CPXM2: variants seen among roughly 807,000 people sequenced by gnomAD.
CPXM2 encodes inactive carboxypeptidase-like protein X2.
In CPXM2, 66 loss-of-function variants were observed where a neutral mutation model predicts 86.1. That is an observed-to-expected ratio of 0.77 (90% CI 0.63 to 0.94). CPXM2 has a LOEUF of 0.94. Ranked by LOEUF, CPXM2 falls within the 40% of genes least tolerant of loss-of-function variation. The pLI is 0.00. For synonymous variants in CPXM2, 388 were observed against 400.2 expected (o/e 0.97, Z 0.36); for missense variants, 948 against 1,026.3 (o/e 0.92, Z 1.04).
At chr10:123,825,297 G>A (rs747568331) in intron 4 of CPXM2, among the ~76,000 whole-genome samples, 1 of 152,260 alleles carries the variant, frequency 6.6e-6, no homozygotes, top group South Asian at 2.1e-4. Flanking sequence ...GTCATCTTGG[G>A]TCATGCATGA....
upstream of CPXM2, chr10:123,891,871 C>T (rs1945282713): frequency 6.4e-6 from 1 of 155,160 alleles, no homozygotes; most frequent in South Asian, 2.0e-4. This position sits in a 1 kb window ranked among gnomAD's most constrained non-coding sequence, Gnocchi z 5.6. Flanking sequence ...AGGCGCGGGG[C>T]GGGCGCAGGG....
At chr10:123,753,265 T>A (rs1401646459) in intron 13 of CPXM2, among the ~76,000 whole-genome samples, 2 of 151,852 alleles carry the variant, frequency 1.3e-5, no homozygotes, top group Non-Finnish European at 2.9e-5. Context: ...AGGTGGGGAG[T>A]GGGACACAGC....
At chr10:123,814,543 C>A (rs1369211148) in intron 4 of CPXM2, among the ~76,000 whole-genome samples, 3 of 152,118 alleles carry the variant, frequency 2.0e-5, no homozygotes, top group Non-Finnish European at 4.4e-5. Flanking sequence ...CTAGAGAACC[C>A]TGACTAATAC....
intron 2 of CPXM2, chr10:123,914,061 C>T (rs1289711992): frequency 2.0e-6 from 1 of 489,912 alleles, no homozygotes; most frequent in Admixed American, 2.1e-5. Flanking sequence ...CATTTGGTGG[C>T]TTGACCTCTT....
At chr10:123,804,156 T>C (rs1847528307) in intron 4 of CPXM2, among the ~76,000 whole-genome samples, 1 of 152,230 alleles carries the variant, frequency 6.6e-6, no homozygotes, top group East Asian at 1.9e-4. Context: ...TCTATTGTTT[T>C]ATAATACATC....
chr10:123,756,120 A>G (rs1320705159), intron 12 of CPXM2, among the ~76,000 whole-genome samples: 1 of 152,190 alleles, frequency 6.6e-6, no homozygotes, highest in East Asian at 1.9e-4. Flanking sequence ...TGCCAGCCAA[A>G]GCCATGGGCT....
At chr10:123,867,934 G>A (rs1274770919) in intron 2 of CPXM2, among the ~76,000 whole-genome samples, 2 of 152,182 alleles carry the variant, frequency 1.3e-5, no homozygotes, top group African/African-American at 2.4e-5. Context: ...ATACTACAGT[G>A]GGGAGAAAAT....
intron 3 of CPXM2, among the ~76,000 whole-genome samples, chr10:123,854,316 G>A (rs1383009119): frequency 2.1e-5 from 3 of 141,496 alleles, no homozygotes; most frequent in Admixed American, 7.4e-5. Flanking sequence ...CTGAGAGGCA[G>A]GGGTGGCCCA....
chr10:123,916,348 C>A (rs1043046058), intron 2 of CPXM2, among the ~76,000 whole-genome samples: 1 of 152,256 alleles, frequency 6.6e-6, no homozygotes, highest in East Asian at 1.9e-4. Flanking sequence ...GAATGATACA[C>A]TAGATAAGGC....
intron 4 of CPXM2, among the ~76,000 whole-genome samples, chr10:123,826,095 T>G (rs1022716088): frequency 6.6e-6 from 1 of 152,216 alleles, no homozygotes; most frequent in African/African-American, 2.4e-5. Context: ...TTTATTTCAT[T>G]TAATCAACAC....
chr10:123,864,598 G>A (rs762312722), intron 2 of CPXM2, among the ~76,000 whole-genome samples: 4 of 152,142 alleles, frequency 2.6e-5, no homozygotes, highest in Non-Finnish European at 5.9e-5. Flanking sequence ...CACAGCAGGA[G>A]GTAAATTCCA....
At chr10:123,924,031 T>C (rs1466599910) in intron 2 of CPXM2, among the ~76,000 whole-genome samples, 1 of 152,230 alleles carries the variant, frequency 6.6e-6, no homozygotes, top group Non-Finnish European at 1.5e-5. Flanking sequence ...TTGTTATTTT[T>C]TCAAGTGTAG....
intron 1 of CPXM2, among the ~76,000 whole-genome samples, chr10:123,890,268 A>T (rs1945246061): frequency 6.6e-6 from 1 of 152,130 alleles, no homozygotes. Flanking sequence ...TTGTCACACA[A>T]CTCAGAAATC....
intron 4 of CPXM2, among the ~76,000 whole-genome samples, chr10:123,821,742 C>A (rs1381415827): frequency 6.6e-6 from 1 of 152,074 alleles, no homozygotes; most frequent in Non-Finnish European, 1.5e-5. Context: ...GGGTGGAGGC[C>A]AAGGATGCTG....
chr10:123,762,119 A>G lies in CPXM2; in HGVS notation c.1530T>C (p.Phe510=), dbSNP rs1846361140. ...CGCCCTGCAGGTTGCCGCCCAGCAC[A>G]AAAGGGATTTTTTCCATCCAGGCTA... is the stretch of plus-strand genomic sequence containing the variant. ...AVIAWMEKIP[F]VLGGNLQGGE... is the part of the protein sequence containing the mutation. The change falls in exon 11 of 14, where the codon TTT becomes TTC. Residue 510 remains phenylalanine, a synonymous_variant. Transcript: ENST00000241305. 6.2e-7 allele frequency: 1 copy of G among 1,614,034 alleles called. No homozygotes were observed. The highest frequency in any genetic ancestry group is 2.2e-5 in the East Asian group (1 of 44,886).
intron 2 of CPXM2, among the ~76,000 whole-genome samples, chr10:123,874,713 T>C (rs1012633554): frequency 1.3e-5 from 2 of 152,164 alleles, no homozygotes; most frequent in African/African-American, 4.8e-5. Flanking sequence ...TAGATCACAG[T>C]ATGCCAAGAA....
chr10:123,839,115 C>T (rs1848333150), intron 4 of CPXM2, among the ~76,000 whole-genome samples: 3 of 152,242 alleles, frequency 2.0e-5, no homozygotes, highest in African/African-American at 7.2e-5. Flanking sequence ...ACCACTTACT[C>T]TGCACTTATT....
chr10:123,937,247 TG>T (rs1319949806), intron 2 of CPXM2, among the ~76,000 whole-genome samples: 2 of 152,130 alleles, frequency 1.3e-5, no homozygotes, highest in East Asian at 1.9e-4. Context: ...TCCCCAGTTG[TG>T]GGGTCTCAGG....
chr10:123,896,111 G>A (rs1319352221), upstream of CPXM2, among the ~76,000 whole-genome samples: 22 of 152,190 alleles, frequency 1.4e-4, no homozygotes, highest in Admixed American at 1.4e-3. Flanking sequence ...TGCAGGTCTA[G>A]AGAACATTCT....
Sources: gnomAD v4.1 joint callset for allele counts (sites outside exome capture counted in the v4.1 genomes callset) on GRCh38, gnomAD v4.1.1 for gene constraint, Gnocchi (gnomAD v3.1) non-coding constraint, MANE v1.5 for transcripts, NCBI Gene and HGNC (gene_info 2026-07-23, HGNC 2026-07-21) for gene names.